Variants in CNTN5 observed in about 807,000 individuals in gnomAD.
CNTN5 encodes contactin 5.
Under a neutral mutation model 129.1 loss-of-function variants are expected in CNTN5, and 77 were observed. The ratio of observed to expected loss-of-function variants is 0.60; its 90% confidence interval spans 0.50 to 0.72. The LOEUF is 0.72. Among genes scored for constraint, CNTN5 ranks in the 30% least tolerant of loss-of-function variants. The pLI, the probability that CNTN5 is intolerant of heterozygous loss-of-function variation, is 0.00. For synonymous variants in CNTN5, 509 were observed against 465.6 expected, an observed-to-expected ratio of 1.09 and a Z score of -1.20; for missense variants, 1,478 against 1,328.8, an observed-to-expected ratio of 1.11 and a Z score of -1.75.
At chr11:99,472,380 T>G (rs1945209526) in intron 2 of CNTN5, among the ~76,000 whole-genome samples, 1 of 144,810 alleles carries the variant, frequency 6.9e-6, no homozygotes, top group Admixed American at 6.7e-5. Flanking sequence ...TCTTGGCATT[T>G]ACTTCATTTA....
chr11:100,188,528 G>T (rs1282884326), intron 13 of CNTN5, among the ~76,000 whole-genome samples: 3 of 152,060 alleles, frequency 2.0e-5, no homozygotes, highest in African/African-American at 7.2e-5. Context: ...GCAAATCAAA[G>T]CCATAATGAG....
chr11:99,069,441 G>A (rs7948876), intron 1 of CNTN5, among the ~76,000 whole-genome samples: 3,351 of 152,138 alleles, frequency 0.022, 70 homozygotes, highest in South Asian at 0.071. Context: ...GTTGCCAGTG[G>A]AGAGGTCAGA....
intron 7 of CNTN5, among the ~76,000 whole-genome samples, chr11:99,949,518 A>G (rs1171596377): frequency 6.6e-6 from 1 of 152,108 alleles, no homozygotes; most frequent in African/African-American, 2.4e-5. Flanking sequence ...AATGCTTTTT[A>G]ATGCAAAGTT....
chr11:99,921,653 G>C (rs558459035), intron 7 of CNTN5, among the ~76,000 whole-genome samples: 1 of 151,980 alleles, frequency 6.6e-6, no homozygotes, highest in South Asian at 2.1e-4. Flanking sequence ...TGTCTCCTTC[G>C]GTTACAATGC....
In CNTN5 at chr11:99,100,188, A is replaced by AT. The variant is rs568963312; in HGVS notation, c.-210+78924dup. On this transcript the variant is annotated intron_variant, in intron 1 of 24. Coordinates refer to ENST00000524871, the MANE Select transcript of CNTN5 (RefSeq NM_014361.4). Reference sequence around the variant, plus strand: ...AAACCACTTATCTTTCTAAATAAATATTTTTTCTACATGTGGTTTAAAATA... The same window carrying AT: ...AAACCACTTATCTTTCTAAATAAATATTTTTTTCTACATGTGGTTTAAAATA... 2.0e-3 allele frequency among the ~76,000 whole-genome samples: 300 copies of AT among 152,138 alleles called. 3 individuals are homozygous for AT. The highest frequency in any genetic ancestry group is 7.1e-3 in the African/African-American group (293 of 41,526).
intron 3 of CNTN5, among the ~76,000 whole-genome samples, chr11:99,570,559 T>C (rs1484296547): frequency 6.6e-6 from 1 of 152,164 alleles, no homozygotes; most frequent in Non-Finnish European, 1.5e-5. Context: ...TTTTCAAGGA[T>C]CTTTTAGTAT....
intron 1 of CNTN5, among the ~76,000 whole-genome samples, chr11:99,090,796 G>A (rs1866212924): frequency 6.6e-6 from 1 of 151,536 alleles, no homozygotes; most frequent in African/African-American, 2.4e-5. Context: ...ACCGAGGCGG[G>A]CGGATCACGA....
rs74984433 is a variant in CNTN5, at chr11:100,349,560, A to G, written c.3031-1142A>G. Among the ~76,000 whole-genome samples the G allele has an allele frequency of 9.1e-3, 1,388 of 152,006 alleles. 19 individuals are homozygous for G. The highest frequency in any genetic ancestry group is 0.032 in the African/African-American group (1,314 of 41,528). The stretch of plus-strand genomic sequence containing the variant: ...AAATTGAAGTTTACAAAATTTAGTA[A>G]CTTGCCCAAATTTTCCCAGCCAGGA... On this transcript the variant is annotated intron_variant, in intron 23 of 24. Coordinates refer to ENST00000524871, the MANE Select transcript of CNTN5 (RefSeq NM_014361.4).
At position 100,279,877 on chromosome 11, in the gene CNTN5, T is replaced by A. The variant is rs1009533224; in HGVS notation, c.2314+8636T>A. On this transcript the variant is annotated intron_variant, in intron 18 of 24. Transcript: ENST00000524871. ...TGCTTTTCTAGTTCCTTAGGATGCC[T>A]CATTAGGTTGTTTATTTGAAGTTTT... 2.9e-4 allele frequency among the ~76,000 whole-genome samples: 44 copies of A among 150,386 alleles called. 1 individual carries two copies.
At chr11:100,169,792 T>G (rs1469196834) in intron 13 of CNTN5, among the ~76,000 whole-genome samples, 2 of 152,048 alleles carry the variant, frequency 1.3e-5, no homozygotes, top group Non-Finnish European at 2.9e-5. Flanking sequence ...TTAAGTTGTC[T>G]AGTTAGTATG....
At chr11:100,262,605 C>T (rs1222105550) in intron 17 of CNTN5, among the ~76,000 whole-genome samples, 1 of 152,034 alleles carries the variant, frequency 6.6e-6, no homozygotes, top group African/African-American at 2.4e-5. Context: ...GAATACTATG[C>T]AGCCATAAAA....
intron 3 of CNTN5, among the ~76,000 whole-genome samples, chr11:99,565,236 C>T (rs1419108130): frequency 6.6e-6 from 1 of 152,218 alleles, no homozygotes; most frequent in African/African-American, 2.4e-5. Flanking sequence ...TTTCTCTCCT[C>T]CCAAGGGCAC....
intron 3 of CNTN5, among the ~76,000 whole-genome samples, chr11:99,771,039 T>A (rs138487375): frequency 6.6e-6 from 1 of 152,020 alleles, no homozygotes; most frequent in African/African-American, 2.4e-5. Flanking sequence ...GAATATAGAA[T>A]GGAGAAAGGA....
intron 17 of CNTN5, among the ~76,000 whole-genome samples, chr11:100,269,226 C>T (rs973135202): frequency 6.6e-6 from 1 of 152,068 alleles, no homozygotes. Flanking sequence ...GAGATCTGGC[C>T]TTAAGGTTTC....
intron 2 of CNTN5, among the ~76,000 whole-genome samples, chr11:99,429,498 A>G (rs552730715): frequency 2.0e-4 from 31 of 152,300 alleles, no homozygotes; most frequent in African/African-American, 5.8e-4. Context: ...AGCAAAATAC[A>G]CATCTCAAAG....
chr11:99,371,825 A>G (rs1363209974), intron 2 of CNTN5, among the ~76,000 whole-genome samples: 1 of 152,268 alleles, frequency 6.6e-6, no homozygotes, highest in Non-Finnish European at 1.5e-5. Flanking sequence ...GGCATGAAGC[A>G]TAATTTCTAC....
At chr11:99,327,901 G>C (rs568036379) in intron 2 of CNTN5, among the ~76,000 whole-genome samples, 1 of 152,116 alleles carries the variant, frequency 6.6e-6, no homozygotes, top group African/African-American at 2.4e-5. Context: ...GGAGACACTG[G>C]CTCAGCTCCA....
chr11:100,158,265 T>A (rs1424869329), intron 13 of CNTN5, among the ~76,000 whole-genome samples: 1 of 151,786 alleles, frequency 6.6e-6, no homozygotes, highest in Non-Finnish European at 1.5e-5. Flanking sequence ...GAGTTGTTGG[T>A]CAAAGGATAC....
chr11:99,798,818 C>T (rs188727108), intron 3 of CNTN5, among the ~76,000 whole-genome samples: 4 of 151,924 alleles, frequency 2.6e-5, no homozygotes, highest in African/African-American at 7.2e-5. Context: ...TTTGTACGTT[C>T]GTAGGAATAG....
Sources: gnomAD v4.1 joint callset for allele counts (sites outside exome capture counted in the v4.1 genomes callset) on GRCh38, gnomAD v4.1.1 for gene constraint, MANE v1.5 for transcripts, NCBI Gene and HGNC (gene_info 2026-07-23, HGNC 2026-07-21) for gene names.